Variants in HPSE2 observed in about 807,000 individuals in gnomAD.
HPSE2 encodes the protein heparanase 2 (inactive).
Under a neutral mutation model 60.5 loss-of-function variants are expected in HPSE2, and 38 were observed. The ratio of observed to expected loss-of-function variants is 0.63; its 90% CI spans 0.48 to 0.82. The LOEUF (loss-of-function observed/expected upper bound fraction) is 0.82, where lower values mean the gene tolerates loss of function less well. HPSE2 is among the 40% of genes least tolerant of loss of function. The probability of loss-of-function intolerance (pLI) is 0.00; values close to 1 mark genes in which losing one functional copy is unlikely to be tolerated. For missense variants in HPSE2, 713 were observed against 740.4 expected (o/e 0.96, Z 0.43); for synonymous variants, 295 against 293.2 (o/e 1.01, Z -0.06).
At chr10:99,233,648 T>C (rs1235163799) in intron 1 of HPSE2, among the ~76,000 whole-genome samples, 1 of 152,148 alleles carries the variant, frequency 6.6e-6, no homozygotes, top group Non-Finnish European at 1.5e-5. Context: ...AAGAGCATCA[T>C]AAAGGAGGTG....
intron 6 of HPSE2, among the ~76,000 whole-genome samples, chr10:98,649,128 CAG>C (rs1267267622): frequency 6.6e-6 from 1 of 152,136 alleles, no homozygotes; most frequent in Non-Finnish European, 1.5e-5. Context: ...TTAAAAAACT[CAG>C]TGTTTGTAAA....
At chr10:99,051,215 A>T (rs1270905808) in intron 3 of HPSE2, among the ~76,000 whole-genome samples, 1 of 152,108 alleles carries the variant, frequency 6.6e-6, no homozygotes, top group Non-Finnish European at 1.5e-5. Flanking sequence ...CCCAGGAGGC[A>T]GTGATTGCAG....
At chr10:98,966,852 A>AT (rs1350356153) in intron 3 of HPSE2, among the ~76,000 whole-genome samples, 1 of 152,234 alleles carries the variant, frequency 6.6e-6, no homozygotes. Context: ...TGGCTTGATC[A>AT]TTACACATTT....
intron 3 of HPSE2, among the ~76,000 whole-genome samples, chr10:99,052,148 T>C (rs923902525): frequency 1.3e-5 from 2 of 151,362 alleles, no homozygotes; most frequent in Non-Finnish European, 2.9e-5. Context: ...ACTTTAAAGA[T>C]GATATTATAA....
At chr10:99,109,185 A>T (rs2135673082) in intron 3 of HPSE2, among the ~76,000 whole-genome samples, 1 of 152,258 alleles carries the variant, frequency 6.6e-6, no homozygotes, top group African/African-American at 2.4e-5. Flanking sequence ...CATTTCCAGG[A>T]AAGAAAGCAT....
At chr10:99,232,684 C>T (rs972184788) in intron 1 of HPSE2, among the ~76,000 whole-genome samples, 179 bp from the exon 2 acceptor site, 1 of 152,372 alleles carries the variant, frequency 6.6e-6, no homozygotes. Flanking sequence ...CCCCAGCCCG[C>T]CCTCACCGCC....
intron 9 of HPSE2, among the ~76,000 whole-genome samples, chr10:98,541,141 T>A (rs1250343440): frequency 1.3e-5 from 2 of 152,250 alleles, no homozygotes; most frequent in Non-Finnish European, 2.9e-5. Context: ...TTTTCAATTA[T>A]AATTAAAAAG....
intron 3 of HPSE2, among the ~76,000 whole-genome samples, chr10:99,102,536 C>T (rs1455669212): frequency 3.9e-5 from 6 of 152,240 alleles, no homozygotes; most frequent in East Asian, 3.9e-4. Context: ...GATTCACAGC[C>T]GAATTCTACC....
At chr10:99,086,570 T>C (rs1232645170) in intron 3 of HPSE2, among the ~76,000 whole-genome samples, 2 of 151,702 alleles carry the variant, frequency 1.3e-5, no homozygotes, top group African/African-American at 4.8e-5. Flanking sequence ...GCTGGGATGG[T>C]CTCGATCTCC....
intron 3 of HPSE2, among the ~76,000 whole-genome samples, chr10:98,880,687 A>G (rs1424681092): frequency 1.3e-5 from 2 of 152,066 alleles, no homozygotes; most frequent in East Asian, 3.9e-4. Context: ...GACTCTGCAG[A>G]GCCATTACAG....
At chr10:98,608,729 G>A (rs1293748047) in intron 9 of HPSE2, among the ~76,000 whole-genome samples, 3 of 152,048 alleles carry the variant, frequency 2.0e-5, no homozygotes, top group Non-Finnish European at 4.4e-5. Context: ...TCTTTGTCAG[G>A]GCCCCTAATG....
chr10:98,632,906 G>A (rs183196009), intron 7 of HPSE2, among the ~76,000 whole-genome samples: 3 of 152,166 alleles, frequency 2.0e-5, no homozygotes, highest in South Asian at 2.1e-4. Context: ...TTCTGAGTAC[G>A]GGTGACCCTT....
At chr10:98,704,181 T>C (rs1299711273) in intron 5 of HPSE2, among the ~76,000 whole-genome samples, 1 of 151,862 alleles carries the variant, frequency 6.6e-6, no homozygotes, top group African/African-American at 2.4e-5. Flanking sequence ...GAGAATAAAA[T>C]ACCTAGGGAT....
At chr10:98,835,752 A>C (rs934956381) in intron 3 of HPSE2, among the ~76,000 whole-genome samples, 1 of 152,192 alleles carries the variant, frequency 6.6e-6, no homozygotes, top group Non-Finnish European at 1.5e-5. Context: ...CACATATTTT[A>C]AAAAGATGAT....
Position 98,677,515 on chromosome 10 carries a change from C to T in HPSE2, c.1004+16385G>A, listed in dbSNP as rs141559568. Among the ~76,000 whole-genome samples the T allele has an allele frequency of 5.8e-3, 888 of 152,256 alleles. 4 individuals carry two copies. The highest frequency in any genetic ancestry group is 0.02 in the African/African-American group (840 of 41,546). The stretch of plus-strand genomic sequence containing the variant: ...ATGAGGGCTCAATGTATTGTATGTA[C>T]TGAGCCAAACGCTTTTCATATGTTA... On this transcript the variant is annotated intron_variant, in intron 6 of 11. Coordinates refer to ENST00000370552, the MANE Select transcript of HPSE2 (RefSeq NM_021828.5).
At chr10:98,973,980 G>C (rs1445654730) in intron 3 of HPSE2, among the ~76,000 whole-genome samples, 1 of 152,118 alleles carries the variant, frequency 6.6e-6, no homozygotes, top group Non-Finnish European at 1.5e-5. Flanking sequence ...ATATGGGGAA[G>C]AGTAAATGAT....
chr10:99,281,239 G>C, the HPSE2 span, among the ~76,000 whole-genome samples: 1 of 148,158 alleles, frequency 6.7e-6, no homozygotes, highest in Non-Finnish European at 1.5e-5. Flanking sequence ...AAACAGAATA[G>C]TGCCTATATT....
intron 2 of HPSE2, among the ~76,000 whole-genome samples, chr10:99,196,940 G>C (rs1848419410): frequency 1.3e-5 from 2 of 152,098 alleles, no homozygotes; most frequent in African/African-American, 4.8e-5. Flanking sequence ...TTGCAGCACT[G>C]TTTACAACAG....
chr10:98,654,055 G>C (rs143159093), intron 6 of HPSE2, among the ~76,000 whole-genome samples: 107 of 149,560 alleles, frequency 7.2e-4, no homozygotes, highest in Non-Finnish European at 1.3e-3. Flanking sequence ...TCAGATCCTT[G>C]TTCACATTGC....
Sources: allele counts gnomAD v4.1 joint callset (sites outside exome capture counted in the v4.1 genomes callset), GRCh38; gene constraint gnomAD v4.1.1; transcripts MANE v1.5; gene names NCBI Gene and HGNC (gene_info 2026-07-23, HGNC 2026-07-21).